FGD5: variants seen among roughly 807,000 people sequenced by gnomAD.
FGD5 encodes the protein FYVE, RhoGEF and PH domain-containing protein 5.
A neutral mutation model predicts 133.4 loss-of-function variants in FGD5; 28 were observed. The observed-to-expected ratio is 0.21, with a 90% CI of 0.16 to 0.29. FGD5 has a LOEUF of 0.29. Ranked by LOEUF, FGD5 falls within the 10% of genes least tolerant of loss-of-function variation. The pLI, the probability that FGD5 is intolerant of heterozygous loss-of-function variation, is 1.00. For missense variants in FGD5, 1,858 were observed against 1,895.2 expected (o/e 0.98, Z 0.36); for synonymous variants, 810 against 776.5 (o/e 1.04, Z -0.72).
intron 1 of FGD5, among the ~76,000 whole-genome samples, chr3:14,843,703 TGG>T (rs869097450): frequency 0.5 from 61,965 of 123,356 alleles, 15,865 homozygotes; most frequent in South Asian, 0.58. Context: ...TTTTTTTTTT[TGG>T]GGGGAGACAG....
intron 2 of FGD5, among the ~76,000 whole-genome samples, chr3:14,869,165 G>A (rs150256776): frequency 1.4e-4 from 21 of 152,092 alleles, no homozygotes; most frequent in East Asian, 9.6e-4. Flanking sequence ...GTGGTGGCAC[G>A]TGCCTGTAGT....
intron 9 of FGD5, among the ~76,000 whole-genome samples, chr3:14,907,433 C>T (rs293911): frequency 0.083 from 12,658 of 152,270 alleles, 974 homozygotes; most frequent in East Asian, 0.42. Flanking sequence ...AGGCAGCCGG[C>T]TCCACAGCAC....
chr3:14,817,987 A>G (rs1171012557), upstream of FGD5, among the ~76,000 whole-genome samples: 1 of 152,164 alleles, frequency 6.6e-6, no homozygotes, highest in African/African-American at 2.4e-5. Flanking sequence ...GCAACCACTC[A>G]TTTGACCGTT....
Position 14,922,921 on chromosome 3 carries a change from T to G in FGD5, c.3808-125T>G. 7.4e-7 allele frequency: 1 copy of G among 1,358,650 alleles called. No homozygotes were observed. Among genetic ancestry groups the G allele is most frequent in the Non-Finnish European group, 1.0e-6 (1 of 975,312 alleles). The allele number at this position is 1,358,650 out of a possible 1,614,324, so 84.2% of individuals were successfully genotyped here. A position where few individuals can be genotyped will look rare whatever the true frequency, so the allele number is the denominator to read the frequency against. On this transcript the variant is annotated intron_variant, in intron 15 of 19. Transcript: ENST00000285046. This position sits in a 1 kb window ranked among gnomAD's most constrained non-coding sequence, Gnocchi z 4.1. ...AAAGTAGGGGACACGCACAGCTCCA[T>G]GATCAGAACCTGGGGCTCCCTAGGG...
rs188185209 is a variant in FGD5, at chr3:14,917,298, G to A, written c.3455G>A (p.Arg1152Gln). ...TATCCCCAGAAGGATGGGAAGTACC[G>A]GCTGAAGAACACATTGGCTGTGGCC... is the stretch of plus-strand genomic sequence containing the variant. ...YTYPQKDGKY[R>Q]LKNTLAVANM... Residue 1152 changes from arginine to glutamine, a missense_variant, in exon 12 of 20, where the codon CGG (arginine) becomes CAG (glutamine). This residue lies in a region of FGD5 where 1,824 missense variants were observed against 1,848.9 expected (regional missense o/e 0.99). Coordinates refer to ENST00000285046, the MANE Select transcript of FGD5 (RefSeq NM_152536.4). The surrounding 1 kb of genome is among the most constrained non-coding windows in gnomAD (Gnocchi z 4.1). 499 of 1,613,680 alleles carry A rather than the reference G, an allele frequency of 3.1e-4. No homozygotes were observed. The highest frequency in any genetic ancestry group is 9.8e-4 in the East Asian group (44 of 44,878).
In FGD5 at chr3:14,819,519, T is replaced by A; in HGVS notation, c.448T>A (p.Cys150Ser). 1 of 1,551,352 alleles carries A rather than the reference T, an allele frequency of 6.4e-7. No individual in the cohort carries two copies. Among genetic ancestry groups the A allele is most frequent in the Non-Finnish European group, 8.7e-7 (1 of 1,146,946 alleles). Residue 150 changes from cysteine to serine, a missense_variant, in exon 1 of 20, where the codon TGC becomes AGC. By Grantham distance (112) the Cys-to-Ser change is moderately radical. Transcript: ENST00000285046. This position sits in a 1 kb window ranked among gnomAD's most constrained non-coding sequence, Gnocchi z 4.1. The stretch of plus-strand genomic sequence containing the variant: ...TGCTCTTGAGGATGAAGGGGAGGGC[T>A]GCGCTGATGAGCCAGGGACACTGGA... ...DLALEDEGEG[C>S]ADEPGTLEQV...
intron 1 of FGD5, among the ~76,000 whole-genome samples, chr3:14,826,771 C>G (rs1488434429): frequency 6.6e-6 from 1 of 152,164 alleles, no homozygotes; most frequent in African/African-American, 2.4e-5. Context: ...GTCTGTCTCT[C>G]TCACACACAC....
chr3:14,874,891 C>T (rs1485366003), intron 2 of FGD5, among the ~76,000 whole-genome samples: 1 of 152,196 alleles, frequency 6.6e-6, no homozygotes, highest in Non-Finnish European at 1.5e-5. Flanking sequence ...CCAGCTGGTC[C>T]TGGGGAAGCC....
rs987719103 is a variant in FGD5, at chr3:14,922,657, A to G, written c.3807+109A>G. ...ATGTCCAGCAGCTACTGTAAGCCCC[A>G]GAGTGAGGCATGTTCACACCAACCC... On this transcript the variant is annotated intron_variant, in intron 15 of 19. Coordinates refer to ENST00000285046, the MANE Select transcript of FGD5 (RefSeq NM_152536.4). The surrounding 1 kb of genome is among the most constrained non-coding windows in gnomAD (Gnocchi z 4.1). The G allele has an allele frequency of 6.3e-6, 9 of 1,420,238 alleles. No homozygotes were observed. The Admixed American group carries it at 1.5e-4, about 23-fold the overall frequency. The allele number at this position is 1,420,238 out of a possible 1,614,324, so 88.0% of individuals were successfully genotyped here. A position where few individuals can be genotyped will look rare whatever the true frequency, so the allele number is the denominator to read the frequency against.
intron 1 of FGD5, among the ~76,000 whole-genome samples, chr3:14,840,476 C>A (rs951025432): frequency 1.3e-5 from 2 of 151,200 alleles, no homozygotes; most frequent in Admixed American, 1.3e-4. Flanking sequence ...CTCCCCCCAA[C>A]CCTCTACTTT....
chr3:14,904,621 A>T (rs1212018316), intron 9 of FGD5, among the ~76,000 whole-genome samples: 1 of 152,154 alleles, frequency 6.6e-6, no homozygotes. Flanking sequence ...TCATTTCTCC[A>T]TGGAGCCCTG....
intron 1 of FGD5, among the ~76,000 whole-genome samples, chr3:14,829,717 G>A (rs1047439672): frequency 1.3e-5 from 2 of 152,156 alleles, no homozygotes; most frequent in African/African-American, 2.4e-5. Context: ...GAAGTTGGGG[G>A]GAGGTCATTG....
intron 1 of FGD5, among the ~76,000 whole-genome samples, chr3:14,853,731 C>T (rs368366496): frequency 3.0e-5 from 4 of 134,468 alleles, no homozygotes; most frequent in South Asian, 2.4e-4. Context: ...TTACATAGGA[C>T]GGAATTAAAT....
rs1320831482 is a variant in FGD5 at position 14,843,705 on chromosome 3, G to GTTTTTTTTTTTTTTTT, written c.2526-20423_2526-20422insTTTTTTTTTTTTTTTT. On this transcript the variant is annotated intron_variant, in intron 1 of 19. Transcript: ENST00000285046. ...AGGGTGCTTTTTTTTTTTTTTTTTG[G>GTTTTTTTTTTTTTTTT]GGGGAGACAGAGTCTCATTCTGTCG... Among the ~76,000 whole-genome samples, 2 of 110,422 alleles carry GTTTTTTTTTTTTTTTT rather than the reference G, an allele frequency of 1.8e-5. 1 individual carries two copies. 72.4% of individuals were successfully genotyped at this position (110,422 alleles called of 152,430 possible). A position where few individuals can be genotyped will look rare whatever the true frequency, so the allele number is the denominator to read the frequency against.
At position 14,923,085 on chromosome 3, in the gene FGD5, A is replaced by G; in HGVS notation, c.3847A>G (p.Lys1283Glu). 1 of 1,613,916 alleles carries G rather than the reference A, an allele frequency of 6.2e-7. No individual in the cohort carries two copies. The highest frequency in any genetic ancestry group is 8.5e-7 in the Non-Finnish European group (1 of 1,179,868). The change falls in exon 16 of 20, where the codon AAG becomes GAG. Residue 1283 changes from lysine (K) to glutamate (E), a missense_variant. Physicochemically the swap from Lys to Glu is moderately conservative, Grantham distance 56. Transcript: ENST00000285046. The part of the protein sequence containing the change: ...RNCSRNKYPL[K>E]YLKDRMAKVC... ...CTGTTCGCGGAACAAGTACCCGCTG[A>G]AGTACCTGAAGGACAGGATGGCCAA... is the stretch of plus-strand genomic sequence containing the variant.
At chr3:14,875,856 C>G (rs779081990) in intron 2 of FGD5, among the ~76,000 whole-genome samples, 1 of 151,892 alleles carries the variant, frequency 6.6e-6, no homozygotes, top group Non-Finnish European at 1.5e-5. Context: ...ACAGGGCATT[C>G]AGATTGGAGT....
chr3:14,886,531 C>T (rs971261805), intron 4 of FGD5, among the ~76,000 whole-genome samples: 1 of 152,204 alleles, frequency 6.6e-6, no homozygotes, highest in Admixed American at 6.5e-5. Context: ...GACCCAAAGG[C>T]GTAAGGGGCA....
chr3:14,900,489 G>A (rs1328567129), intron 8 of FGD5, 36 bp downstream of exon 8: 9 of 1,607,944 alleles, frequency 5.6e-6, no homozygotes, highest in Non-Finnish European at 7.6e-6. Flanking sequence ...AGGTACTCAA[G>A]CCTGCTCTGC....
chr3:14,821,714 T>C, intron 1 of FGD5, 118 bp downstream of exon 1: 1 of 1,387,178 alleles, frequency 7.2e-7, no homozygotes. Flanking sequence ...TTACTAGCTG[T>C]GTTGACTTGG....
Sources: allele counts gnomAD v4.1 joint callset (sites outside exome capture counted in the v4.1 genomes callset), GRCh38; gene constraint gnomAD v4.1.1; regional missense constraint gnomAD v4.1.1; non-coding constraint Gnocchi (gnomAD v3.1); transcripts MANE v1.5; gene names NCBI Gene and HGNC (gene_info 2026-07-23, HGNC 2026-07-21).